CCDC170: variants seen among roughly 807,000 people sequenced by gnomAD.
CCDC170 encodes the protein coiled-coil domain-containing protein 170.
In CCDC170, 69 loss-of-function variants were observed where a neutral mutation model predicts 72.6. That is an observed-to-expected ratio of 0.95 (90% confidence interval 0.78 to 1.16). The LOEUF is 1.16. Ranked by LOEUF, CCDC170 falls within the 50% of genes most tolerant of loss-of-function variation. The pLI is 0.00. For missense variants in CCDC170, 852 were observed against 832.5 expected (o/e 1.02, Z -0.29); for synonymous variants, 300 against 303.9 (o/e 0.99, Z 0.13).
Position 151,592,726 on chromosome 6 carries a change from T to C in CCDC170, c.1294-381T>C, listed in dbSNP as rs574039371. On this transcript the variant is annotated intron_variant, in intron 7 of 10. Transcript: ENST00000239374. The stretch of plus-strand genomic sequence containing the variant: ...TGAGTGGTGACACAGCCAAACCATA[T>C]CAATGGGTGGATCCCAGGGGCTAGA... Among the ~76,000 whole-genome samples, 41 of 152,184 alleles carry C rather than the reference T, an allele frequency of 2.7e-4. 1 individual carries two copies. The highest frequency in any genetic ancestry group is 9.9e-4 in the African/African-American group (41 of 41,530).
At chr6:151,509,615 T>A (rs951233516) in intron 1 of CCDC170, among the ~76,000 whole-genome samples, 2 of 152,208 alleles carry the variant, frequency 1.3e-5, no homozygotes, top group Non-Finnish European at 1.5e-5. Flanking sequence ...TGTACAGTTA[T>A]GAACGTGGAA....
chr6:151,523,084 G>T lies in CCDC170; in HGVS notation c.58-13234G>T, dbSNP rs76997752. 8.8e-4 allele frequency among the ~76,000 whole-genome samples: 134 copies of T among 152,220 alleles called. 3 individuals are homozygous for T. In the East Asian group the frequency reaches 0.025, roughly 28 times the overall value. On this transcript the variant is annotated intron_variant, in intron 1 of 10. Coordinates refer to ENST00000239374, the MANE Select transcript of CCDC170 (RefSeq NM_025059.4). ...TTGATTTCTGCTAAAGTGAGACATG[G>T]GAAGATTACATACTGCTACAATTTC...
intron 6 of CCDC170, among the ~76,000 whole-genome samples, chr6:151,574,321 G>T (rs6909279): frequency 6.6e-6 from 1 of 152,064 alleles, no homozygotes; most frequent in Admixed American, 6.5e-5. Context: ...AGTTGGACCT[G>T]CCTGGTGCTG....
At chr6:151,561,139 C>T (rs1218703289) in intron 5 of CCDC170, among the ~76,000 whole-genome samples, 1 of 151,784 alleles carries the variant, frequency 6.6e-6, no homozygotes, top group African/African-American at 2.4e-5. Flanking sequence ...TTGATACAGC[C>T]ATGCAATGTG....
At chr6:151,614,336 T>C (rs1776923217) in intron 9 of CCDC170, among the ~76,000 whole-genome samples, 1 of 152,210 alleles carries the variant, frequency 6.6e-6, no homozygotes, top group African/African-American at 2.4e-5. Flanking sequence ...AATTAGCCTA[T>C]TCTACGTACT....
At chr6:151,507,677 C>A (rs1340953138) in intron 1 of CCDC170, among the ~76,000 whole-genome samples, 1 of 151,968 alleles carries the variant, frequency 6.6e-6, no homozygotes, top group South Asian at 2.1e-4. Context: ...AATCCCAGCA[C>A]TTTGGGAGGC....
chr6:151,528,477 T>C (rs1053528777), intron 1 of CCDC170, among the ~76,000 whole-genome samples: 5 of 152,226 alleles, frequency 3.3e-5, no homozygotes, highest in Admixed American at 3.3e-4. Flanking sequence ...TTGTCTGTCC[T>C]TGTCTCTTTT....
chr6:151,600,460 G>A (rs952097514), intron 9 of CCDC170, among the ~76,000 whole-genome samples: 7 of 152,088 alleles, frequency 4.6e-5, no homozygotes, highest in Admixed American at 3.9e-4. Context: ...CCCCCTGTGT[G>A]TCTCTTCTTT....
intron 3 of CCDC170, among the ~76,000 whole-genome samples, chr6:151,543,993 T>G (rs1782734778): frequency 6.6e-6 from 1 of 152,188 alleles, no homozygotes. Context: ...CTTTAAAGAC[T>G]GAGGGAGTGT....
At chr6:151,525,462 C>A (rs1332726364) in intron 1 of CCDC170, among the ~76,000 whole-genome samples, 1 of 152,152 alleles carries the variant, frequency 6.6e-6, no homozygotes, top group Non-Finnish European at 1.5e-5. Context: ...GATCAATTGA[C>A]CTTATGACAA....
chr6:151,556,276 T>G (rs1782972685), intron 5 of CCDC170, among the ~76,000 whole-genome samples: 1 of 152,004 alleles, frequency 6.6e-6, no homozygotes, highest in Non-Finnish European at 1.5e-5. Context: ...GTCAACATGG[T>G]GAAACCCCAT....
At position 151,605,880 on chromosome 6, in the gene CCDC170, A is replaced by G. The variant is rs544657978; in HGVS notation, c.1710+9303A>G. 1.2e-4 allele frequency among the ~76,000 whole-genome samples: 17 copies of G among 146,164 alleles called. 2 individuals carry two copies. The South Asian group carries it at 3.7e-3, about 32-fold the overall frequency. On this transcript the variant is annotated intron_variant, in intron 9 of 10. Coordinates refer to ENST00000239374, the MANE Select transcript of CCDC170 (RefSeq NM_025059.4). The stretch of plus-strand genomic sequence containing the variant: ...TCTTGGGGTTCCGGGGGACAGTGCC[A>G]CCAGCTTGCTTCTATGCCGCCATTT...
Position 151,583,621 on chromosome 6 carries a change from C to A in CCDC170, c.1093-2268C>A, listed in dbSNP as rs369630176. On this transcript the variant is annotated intron_variant, in intron 6 of 10. Transcript: ENST00000239374. ...TACAGGCATGAGCCATCACGTCCAGCTAATTTTTGTATTTTCAGTAGAGAT... is the reference window on the plus strand; with the variant it reads ...TACAGGCATGAGCCATCACGTCCAGATAATTTTTGTATTTTCAGTAGAGAT... Among the ~76,000 whole-genome samples the A allele has an allele frequency of 3.3e-5, 5 of 152,062 alleles. No homozygotes were observed. The South Asian group carries it at 1.0e-3, about 31-fold the overall frequency.
chr6:151,538,945 A>T (rs961738375), intron 3 of CCDC170, among the ~76,000 whole-genome samples: 2 of 152,106 alleles, frequency 1.3e-5, no homozygotes, highest in Non-Finnish European at 2.9e-5. Flanking sequence ...CTCTACTTCC[A>T]CTTACAGCAA....
intron 5 of CCDC170, among the ~76,000 whole-genome samples, chr6:151,571,378 G>A (rs1175644308): frequency 1.3e-5 from 2 of 151,222 alleles, no homozygotes; most frequent in Admixed American, 6.6e-5. Context: ...TAGTTAACAC[G>A]CCGCTTAATA....
At chr6:151,519,411 C>T (rs535368815) in intron 1 of CCDC170, among the ~76,000 whole-genome samples, 94 of 152,240 alleles carry the variant, frequency 6.2e-4, no homozygotes, top group African/African-American at 2.1e-3. Context: ...CCCTGAAAAT[C>T]GCTGTTATTC....
At position 151,573,364 on chromosome 6, in the gene CCDC170, A is replaced by C; in HGVS notation, c.965A>C (p.Gln322Pro). 2.5e-6 allele frequency: 4 copies of C among 1,614,184 alleles called. No individual in the cohort carries two copies. The highest frequency in any genetic ancestry group is 3.4e-6 in the Non-Finnish European group (4 of 1,180,026). The change falls in exon 6 of 11, where the codon CAG becomes CCG. Residue 322 changes from glutamine to proline, a missense_variant. Transcript: ENST00000239374. ...GATGCAGTCACAACCTCACAAAGCC[A>C]GTACTTCTCATTTAGGGAGAAAATC... ...SQDAVTTSQS[Q>P]YFSFREKIAA...
chr6:151,529,608 C>G (rs1242558744), intron 1 of CCDC170, among the ~76,000 whole-genome samples: 3 of 152,036 alleles, frequency 2.0e-5, no homozygotes, highest in Non-Finnish European at 2.9e-5. Flanking sequence ...AGTGAGCTGA[C>G]ATAGAGCCAC....
intron 1 of CCDC170, among the ~76,000 whole-genome samples, chr6:151,514,140 A>T (rs1782193398): frequency 6.6e-6 from 1 of 151,490 alleles, no homozygotes; most frequent in Non-Finnish European, 1.5e-5. Context: ...CATCTCTAAA[A>T]AATTACAAAA....
Sources: gnomAD v4.1 joint callset for allele counts (sites outside exome capture counted in the v4.1 genomes callset) on GRCh38, gnomAD v4.1.1 for gene constraint, MANE v1.5 for transcripts, NCBI Gene and HGNC (gene_info 2026-07-23, HGNC 2026-07-21) for gene names.